The following TRDN variants were observed in gnomAD, a reference collection of about 807,000 sequenced individuals.
TRDN encodes the protein triadin in skeletal muscle.
A neutral mutation model predicts 149.7 loss-of-function variants in TRDN; 161 were observed. The observed-to-expected ratio is 1.08, with a 90% CI of 0.95 to 1.23. TRDN has a LOEUF of 1.23. Among genes scored for constraint, TRDN ranks in the 50% most tolerant of loss-of-function variants. The pLI, the probability that TRDN is intolerant of heterozygous loss-of-function variation, is 0.00. For synonymous variants in TRDN, 294 were observed against 250.5 expected, an observed-to-expected ratio of 1.17 and a Z score of -1.64; for missense variants, 896 against 823.5, an observed-to-expected ratio of 1.09 and a Z score of -1.08.
chr6:123,314,336 T>C (rs1239523339), intron 24 of TRDN, among the ~76,000 whole-genome samples: 3 of 151,790 alleles, frequency 2.0e-5, no homozygotes, highest in African/African-American at 7.3e-5. Flanking sequence ...ATTATTAAAG[T>C]CTAAAAGTAA....
At chr6:123,323,095 T>C (rs1490505382) in intron 23 of TRDN, among the ~76,000 whole-genome samples, 1 of 152,108 alleles carries the variant, frequency 6.6e-6, no homozygotes, top group Non-Finnish European at 1.5e-5. Flanking sequence ...TGTTTCAAAA[T>C]GACAGGAAAA....
At chr6:123,222,159 C>T (rs1333533457) in intron 39 of TRDN, among the ~76,000 whole-genome samples, 1 of 151,388 alleles carries the variant, frequency 6.6e-6, no homozygotes, top group South Asian at 2.1e-4. Context: ...GGGGGTTTTT[C>T]TATAAAACAT....
intron 10 of TRDN, among the ~76,000 whole-genome samples, chr6:123,447,787 A>G (rs1775481018): frequency 1.3e-5 from 2 of 151,460 alleles, no homozygotes; most frequent in South Asian, 2.1e-4. Flanking sequence ...AAAAAAAAAA[A>G]GGTCGTTGTG....
intron 2 of TRDN, among the ~76,000 whole-genome samples, chr6:123,561,622 AG>A (rs1216895587): frequency 1.3e-5 from 2 of 152,152 alleles, no homozygotes; most frequent in East Asian, 3.8e-4. Context: ...CCCAATTTTC[AG>A]TCCTTTAATA....
intron 8 of TRDN, among the ~76,000 whole-genome samples, chr6:123,501,150 A>T (rs942718877): frequency 2.0e-5 from 3 of 152,032 alleles, no homozygotes; most frequent in Admixed American, 2.0e-4. Flanking sequence ...GCAGAAAAAG[A>T]GATGTATTAT....
At chr6:123,393,317 G>T (rs532363892) in intron 13 of TRDN, among the ~76,000 whole-genome samples, 1 of 152,000 alleles carries the variant, frequency 6.6e-6, no homozygotes, top group African/African-American at 2.4e-5. Context: ...ATCTGTATTT[G>T]TATTTCTTTA....
At chr6:123,414,095 C>A (rs925071698) in intron 12 of TRDN, among the ~76,000 whole-genome samples, 1 of 152,082 alleles carries the variant, frequency 6.6e-6, no homozygotes, top group South Asian at 2.1e-4. Context: ...TCTTCAAGTT[C>A]GCTATCTGAT....
At chr6:123,539,509 A>G (rs1780719160) in intron 4 of TRDN, among the ~76,000 whole-genome samples, 1 of 152,180 alleles carries the variant, frequency 6.6e-6, no homozygotes. Context: ...CAGGTGTGAG[A>G]ACTGAGAGCC....
intron 12 of TRDN, among the ~76,000 whole-genome samples, chr6:123,417,595 C>T (rs977375060): frequency 6.6e-6 from 1 of 151,958 alleles, no homozygotes; most frequent in Admixed American, 6.6e-5. Flanking sequence ...TTTCTTTTTT[C>T]CTCATTCCCC....
chr6:123,547,640 C>T (rs1306782324), intron 3 of TRDN, among the ~76,000 whole-genome samples: 1 of 151,864 alleles, frequency 6.6e-6, no homozygotes, highest in African/African-American at 2.4e-5. Flanking sequence ...ATATTAATTT[C>T]AACTCTCTAT....
chr6:123,483,328 T>C (rs1293710405), intron 9 of TRDN, among the ~76,000 whole-genome samples: 1 of 151,790 alleles, frequency 6.6e-6, no homozygotes, highest in Non-Finnish European at 1.5e-5. Flanking sequence ...GGTCTCGGTC[T>C]CCTGACCTTG....
chr6:123,548,810 G>A (rs1035468976), intron 2 of TRDN, among the ~76,000 whole-genome samples, 198 bp from the exon 3 acceptor site: 8 of 151,828 alleles, frequency 5.3e-5, no homozygotes, highest in African/African-American at 1.9e-4. Flanking sequence ...TGCCAAGAAA[G>A]AAAATGCCCT....
At chr6:123,472,170 C>T (rs79609161) in intron 9 of TRDN, among the ~76,000 whole-genome samples, 3 of 152,082 alleles carry the variant, frequency 2.0e-5, no homozygotes, top group Admixed American at 1.3e-4. Flanking sequence ...TCTGAGGTAC[C>T]GGGTTCATCT....
chr6:123,547,010 T>C (rs1781145943), intron 4 of TRDN, among the ~76,000 whole-genome samples: 1 of 152,018 alleles, frequency 6.6e-6, no homozygotes, highest in Admixed American at 6.6e-5. Context: ...CTGACCATGG[T>C]GAGAATAAAT....
intron 5 of TRDN, chr6:123,529,441 T>A: frequency 1.6e-6 from 2 of 1,223,324 alleles, no homozygotes; most frequent in Non-Finnish European, 2.3e-6. Context: ...TAGAATGAAT[T>A]CAAACATTAG....
chr6:123,325,247 G>A (rs765766342), intron 23 of TRDN, among the ~76,000 whole-genome samples: 15 of 151,970 alleles, frequency 9.9e-5, no homozygotes, highest in Non-Finnish European at 1.9e-4. Context: ...TAATCTTTGG[G>A]CATCAATTTC....
rs1184151003 is a variant in TRDN, at chr6:123,464,964, T to G, written c.873A>C (p.Pro291=). The G allele has an allele frequency of 6.3e-7, 1 of 1,596,958 alleles. No homozygotes were observed. The highest frequency in any genetic ancestry group is 1.1e-5 in the South Asian group (1 of 87,848). Residue 291 remains proline, a synonymous_variant, in exon 10 of 41, where the codon CCA becomes CCC. Coordinates refer to ENST00000334268, the MANE Select transcript of TRDN (RefSeq NM_006073.4). ...AAGCTTGTTCTGTCGGTAAGGGAGG[T>G]GGAATGGCTGGGCTTTGTCCTACAC... ...DLKPGQSPAI[P]PPLPTEQASR...
intron 10 of TRDN, among the ~76,000 whole-genome samples, chr6:123,446,005 G>A (rs1340815631): frequency 6.7e-6 from 1 of 148,754 alleles, no homozygotes; most frequent in Non-Finnish European, 1.5e-5. Context: ...AACAATGATA[G>A]ACCGGATTAA....
chr6:123,226,455 T>A (rs1482964613), intron 38 of TRDN, among the ~76,000 whole-genome samples: 2 of 151,856 alleles, frequency 1.3e-5, no homozygotes, highest in Non-Finnish European at 2.9e-5. Context: ...TTTGGATCCA[T>A]TTATTACCAC....
Sources: allele counts gnomAD v4.1 joint callset (sites outside exome capture counted in the v4.1 genomes callset), GRCh38; gene constraint gnomAD v4.1.1; transcripts MANE v1.5; gene names NCBI Gene and HGNC (gene_info 2026-07-23, HGNC 2026-07-21).